The following PCNX2 variants were observed in gnomAD, a reference collection of about 807,000 sequenced individuals.
The protein encoded by PCNX2 is pecanex 2, also known as pecanex-like protein 2.
Under a neutral mutation model 223.8 loss-of-function variants are expected in PCNX2, and 168 were observed. That is an observed-to-expected ratio of 0.75 (90% CI 0.66 to 0.85). The LOEUF (loss-of-function observed/expected upper bound fraction) is 0.85, where lower values mean the gene tolerates loss of function less well. Among genes scored for constraint, PCNX2 ranks in the 40% least tolerant of loss-of-function variants. The probability of loss-of-function intolerance (pLI) is 0.00; values close to 1 mark genes in which losing one functional copy is unlikely to be tolerated. For synonymous variants in PCNX2, 1,006 were observed against 1,052.6 expected, an observed-to-expected ratio of 0.96 and a Z score of 0.86; for missense variants, 2,507 against 2,675.5, an observed-to-expected ratio of 0.94 and a Z score of 1.39.
chr1:233,087,486 A>C (rs1673663596), intron 23 of PCNX2, among the ~76,000 whole-genome samples: 1 of 152,252 alleles, frequency 6.6e-6, no homozygotes, highest in South Asian at 2.1e-4. Flanking sequence ...AAAAGACGGT[A>C]ATTAGAACGG....
At chr1:233,156,250 T>A (rs1378995492) in intron 19 of PCNX2, among the ~76,000 whole-genome samples, 1 of 152,268 alleles carries the variant, frequency 6.6e-6, no homozygotes. Flanking sequence ...TTTCCATTTA[T>A]CACAGTCTGA....
chr1:233,274,209 A>G (rs765882955), intron 1 of PCNX2, among the ~76,000 whole-genome samples: 2 of 152,218 alleles, frequency 1.3e-5, no homozygotes, highest in Non-Finnish European at 2.9e-5. Flanking sequence ...CTAATATTAC[A>G]TAACAGTCAC....
intron 18 of PCNX2, 118 bp from the exon 19 acceptor site, chr1:233,160,551 C>T (rs985062622): frequency 1.7e-6 from 2 of 1,175,502 alleles, no homozygotes; most frequent in African/African-American, 1.5e-5. Context: ...GATAGCCAGA[C>T]TCAGTTCTTG....
intron 32 of PCNX2, among the ~76,000 whole-genome samples, chr1:232,988,296 A>G (rs150576507): frequency 9.4e-4 from 143 of 152,328 alleles, no homozygotes; most frequent in African/African-American, 3.3e-3. Flanking sequence ...AACTTCCTAG[A>G]GAATTCCAGG....
At chr1:233,018,740 AC>A in intron 26 of PCNX2, 1 of 984,724 alleles carries the variant, frequency 1.0e-6, no homozygotes, top group Non-Finnish European at 1.2e-6. Context: ...GCTGAGGGGC[AC>A]CCCTGGAATG....
chr1:233,246,180 GCCCTTCAGATGGGATA>G (rs1659109707), intron 8 of PCNX2, among the ~76,000 whole-genome samples: 3 of 152,046 alleles, frequency 2.0e-5, no homozygotes, highest in Non-Finnish European at 2.9e-5. Context: ...TGGGATAAAT[GCCCTTCAGATGGGATA>G]AATGCCCTTC....
chr1:233,034,090 T>C (rs548302921), intron 25 of PCNX2, among the ~76,000 whole-genome samples: 23 of 152,152 alleles, frequency 1.5e-4, no homozygotes, highest in Middle Eastern at 3.4e-3. Context: ...CGTGCACCTG[T>C]AGTATCAGCT....
At chr1:233,078,236 G>A (rs1402521858) in intron 23 of PCNX2, among the ~76,000 whole-genome samples, 1 of 152,200 alleles carries the variant, frequency 6.6e-6, no homozygotes, top group Non-Finnish European at 1.5e-5. Context: ...ACACACCGTG[G>A]AGTGTCCTGT....
chr1:233,184,260 T>C (rs1437936153), intron 15 of PCNX2, among the ~76,000 whole-genome samples: 1 of 151,906 alleles, frequency 6.6e-6, no homozygotes, highest in African/African-American at 2.4e-5. Flanking sequence ...GAACAAGTGT[T>C]GGCAGAAGTT....
chr1:233,070,378 C>T (rs1672802263), intron 23 of PCNX2, among the ~76,000 whole-genome samples: 1 of 151,456 alleles, frequency 6.6e-6, no homozygotes, highest in Non-Finnish European at 1.5e-5. Flanking sequence ...TAGTATTTAC[C>T]CTGATACAAA....
intron 4 of PCNX2, 33 bp downstream of exon 4, chr1:233,261,252 G>A (rs370889350): frequency 1.3e-6 from 2 of 1,562,872 alleles, no homozygotes; most frequent in African/African-American, 2.7e-5. Flanking sequence ...TGAGGATAGT[G>A]CTGTGATAAA....
At position 232,990,143 on chromosome 1, in the gene PCNX2, A is replaced by C. The variant is rs948687876; in HGVS notation, c.5792-3603T>G. Among the ~76,000 whole-genome samples the C allele has an allele frequency of 6.6e-6, 1 of 152,208 alleles. No individual in the cohort carries two copies. Among genetic ancestry groups the C allele is most frequent in the Non-Finnish European group, 1.5e-5 (1 of 68,032 alleles). ...GAGGCCAGAGACTGAAATCAAATCCAGTTATCCTCACATCCCTGAAGGGAA... is the reference window on the plus strand; with the variant it reads ...GAGGCCAGAGACTGAAATCAAATCCCGTTATCCTCACATCCCTGAAGGGAA... On this transcript the variant is annotated intron_variant, in intron 32 of 33. Coordinates refer to ENST00000258229, the MANE Select transcript of PCNX2 (RefSeq NM_014801.4). This position sits in a 1 kb window ranked among gnomAD's most constrained non-coding sequence, Gnocchi z 4.3.
intron 1 of PCNX2, among the ~76,000 whole-genome samples, chr1:233,277,549 G>T (rs1660978999): frequency 6.8e-6 from 1 of 146,008 alleles, no homozygotes; most frequent in Non-Finnish European, 1.5e-5. Context: ...ATTAACATCG[G>T]TAAAGTAGTA....
chr1:233,000,498 G>C lies in PCNX2; in HGVS notation c.5135C>G (p.Ala1712Gly). ...GGACTGGATGGCCTCGTAGAGGACT[G>C]CTGGGTCTTCATACTCGTCAGGGCA... ...FTCPDEYEDP[A>G]VLYEAIQSFE... is the part of the protein sequence containing the mutation. The change falls in exon 30 of 34, where the codon GCA (alanine) becomes GGA (glycine). Residue 1712 changes from alanine to glycine, a missense_variant. Ala to Gly is a moderately conservative substitution (Grantham distance 60). Around this residue, in one of 3 missense-constraint regions of PCNX2, gnomAD observed 1,372 missense variants for 1,509.4 expected, o/e 0.91. Coordinates refer to ENST00000258229, the MANE Select transcript of PCNX2 (RefSeq NM_014801.4). This position sits in a 1 kb window ranked among gnomAD's most constrained non-coding sequence, Gnocchi z 4.6. 1 of 1,603,492 alleles carries C rather than the reference G, an allele frequency of 6.2e-7. No individual in the cohort carries two copies. Among genetic ancestry groups the C allele is most frequent in the Non-Finnish European group, 8.5e-7 (1 of 1,176,750 alleles).
intron 19 of PCNX2, among the ~76,000 whole-genome samples, chr1:233,158,638 T>C (rs6702650): frequency 0.6 from 91,447 of 151,934 alleles, 27,721 homozygotes; most frequent in South Asian, 0.68. Context: ...AGTAAAAATA[T>C]AAGGAAATGT....
chr1:233,324,086 T>C, the PCNX2 span, among the ~76,000 whole-genome samples: 1 of 152,210 alleles, frequency 6.6e-6, no homozygotes, highest in African/African-American at 2.4e-5. Flanking sequence ...GCTACAACAT[T>C]CCCTTAAGCC....
chr1:233,128,309 T>C (rs1466601737), intron 21 of PCNX2, among the ~76,000 whole-genome samples: 2 of 152,168 alleles, frequency 1.3e-5, no homozygotes, highest in Admixed American at 1.3e-4. Flanking sequence ...GTTACCATGA[T>C]TTTAAAAACA....
intron 15 of PCNX2, among the ~76,000 whole-genome samples, chr1:233,190,045 C>T (rs1427235911): frequency 6.6e-6 from 1 of 152,120 alleles, no homozygotes; most frequent in Non-Finnish European, 1.5e-5. Context: ...ACAAAATTAA[C>T]TCATGGTCTC....
intron 1 of PCNX2, among the ~76,000 whole-genome samples, chr1:233,267,172 C>T (rs1439878348): frequency 2.0e-5 from 3 of 152,034 alleles, no homozygotes; most frequent in Middle Eastern, 3.2e-3. Context: ...CAAAAATTAG[C>T]CAGGCGTGGT....
Sources: allele counts gnomAD v4.1 joint callset (sites outside exome capture counted in the v4.1 genomes callset), GRCh38; gene constraint gnomAD v4.1.1; regional missense constraint gnomAD v4.1.1; non-coding constraint Gnocchi (gnomAD v3.1); transcripts MANE v1.5; gene names NCBI Gene and HGNC (gene_info 2026-07-23, HGNC 2026-07-21).